The following ST18 variants were observed in gnomAD, a reference collection of about 807,000 sequenced individuals.
ST18 encodes suppression of tumorigenicity 18 protein.
ST18 carries 50 observed loss-of-function variants against 110.0 expected under a neutral mutation model. The ratio of observed to expected loss-of-function variants is 0.45; its 90% CI spans 0.36 to 0.58. The LOEUF is 0.58. Among genes scored for constraint, ST18 ranks in the 20% least tolerant of loss-of-function variants. The pLI is 0.00. For missense variants in ST18, 1,306 were observed against 1,280.1 expected (o/e 1.02, Z -0.31); for synonymous variants, 461 against 452.4 (o/e 1.02, Z -0.24).
intron 2 of ST18, among the ~76,000 whole-genome samples, chr8:52,334,689 T>A (rs1003642244): frequency 6.6e-6 from 1 of 151,068 alleles, no homozygotes; most frequent in African/African-American, 2.4e-5. Flanking sequence ...AAATGGTATG[T>A]CTTCCAAAGG....
At chr8:52,272,682 G>C (rs1280720564) in intron 2 of ST18, among the ~76,000 whole-genome samples, 2 of 152,148 alleles carry the variant, frequency 1.3e-5, no homozygotes, top group Non-Finnish European at 2.9e-5. Flanking sequence ...GGAAAATTAA[G>C]AATAGAACTA....
chr8:52,133,405 A>T, intron 19 of ST18, 104 bp from the exon 20 acceptor site: 1 of 1,348,954 alleles, frequency 7.4e-7, no homozygotes, highest in Non-Finnish European at 1.1e-6. Context: ...TAATGTTCCA[A>T]GTCTCTGTAG....
At chr8:52,195,030 A>T (rs1170374313) in intron 8 of ST18, among the ~76,000 whole-genome samples, 1 of 152,218 alleles carries the variant, frequency 6.6e-6, no homozygotes, top group East Asian at 1.9e-4. Flanking sequence ...TTTTAGTTAA[A>T]TCATTTGGGC....
intron 2 of ST18, among the ~76,000 whole-genome samples, chr8:52,295,685 A>T (rs1272866763): frequency 2.0e-5 from 3 of 150,086 alleles, no homozygotes; most frequent in Non-Finnish European, 2.9e-5. Context: ...TTTGAGGCGC[A>T]AATGAAAGAG....
At chr8:52,268,468 CA>C in intron 2 of ST18, among the ~76,000 whole-genome samples, 1 of 148,722 alleles carries the variant, frequency 6.7e-6, no homozygotes, top group Non-Finnish European at 1.5e-5. Context: ...ATCTATCTAT[CA>C]TCTATCTATC....
chr8:52,409,454 T>C lies in ST18; in HGVS notation c.-589-2A>G, dbSNP rs1323898891. ...CCCATTCAGAAATTTTATTATTTTC[T>C]AAAGAAGAAAAAAAATATGATGTGA... is the stretch of plus-strand genomic sequence containing the variant. On this transcript the variant is annotated splice_acceptor_variant, in intron 1 of 25. Coordinates refer to ENST00000689386, the MANE Select transcript of ST18 (RefSeq NM_001352837.2). LOFTEE classifies it low-confidence loss of function (5UTR_SPLICE). 6.6e-6 allele frequency: 1 copy of C among 152,138 alleles called. No individual in the cohort carries two copies. Among genetic ancestry groups the C allele is most frequent in the Non-Finnish European group, 1.5e-5 (1 of 68,018 alleles). 9.4% of individuals were successfully genotyped at this position (152,138 alleles called of 1,614,324 possible).
chr8:52,408,014 T>C (rs1845118700), intron 2 of ST18: 1 of 152,234 alleles, frequency 6.6e-6, no homozygotes, highest in African/African-American at 2.4e-5. Flanking sequence ...ATTTTTACTT[T>C]TATTTCGTGT....
intron 5 of ST18, among the ~76,000 whole-genome samples, chr8:52,218,846 G>A (rs929585665): frequency 2.0e-5 from 3 of 151,760 alleles, no homozygotes; most frequent in Non-Finnish European, 4.4e-5. Context: ...GTGAGATGTC[G>A]TTTCAGTCCT....
At chr8:52,159,208 G>C in intron 14 of ST18, 99 bp from the exon 15 acceptor site, 2 of 1,152,754 alleles carry the variant, frequency 1.7e-6, no homozygotes, top group South Asian at 3.1e-5. Flanking sequence ...ATTAAAATAT[G>C]TGAAGAATAA....
chr8:52,212,328 G>A (rs2082482089), intron 7 of ST18, among the ~76,000 whole-genome samples: 1 of 152,190 alleles, frequency 6.6e-6, no homozygotes, highest in Admixed American at 6.5e-5. Flanking sequence ...ACTGGGGCCT[G>A]ATAATCGTAG....
chr8:52,379,057 CTATCTACACA>C (rs1833489532), intron 2 of ST18, among the ~76,000 whole-genome samples: 1 of 150,698 alleles, frequency 6.6e-6, no homozygotes, highest in Non-Finnish European at 1.5e-5. Flanking sequence ...TCAAATAATG[CTATCTACACA>C]TTTTCTTTAA....
chr8:52,335,649 C>A (rs1564521072), intron 2 of ST18, among the ~76,000 whole-genome samples: 2 of 152,114 alleles, frequency 1.3e-5, no homozygotes, highest in African/African-American at 4.8e-5. Context: ...AGTTTTCTAC[C>A]TGTGGTGTCA....
At chr8:52,289,980 A>C (rs188881641) in intron 2 of ST18, among the ~76,000 whole-genome samples, 1 of 151,902 alleles carries the variant, frequency 6.6e-6, no homozygotes, top group African/African-American at 2.4e-5. Context: ...GACTGGCCTG[A>C]GATCATGGAG....
At chr8:52,329,300 G>A (rs911885524) in intron 2 of ST18, among the ~76,000 whole-genome samples, 3 of 149,746 alleles carry the variant, frequency 2.0e-5, no homozygotes, top group African/African-American at 7.4e-5. Context: ...AAAAAAAAAG[G>A]CTGGCACTGC....
At chr8:52,386,297 A>T (rs2140913509) in intron 2 of ST18, among the ~76,000 whole-genome samples, 1 of 152,356 alleles carries the variant, frequency 6.6e-6, no homozygotes, top group Admixed American at 6.5e-5. Flanking sequence ...TGTATAATGT[A>T]TCCAACTATG....
At chr8:52,187,664 GA>G (rs2072862115) in intron 8 of ST18, among the ~76,000 whole-genome samples, 1 of 152,156 alleles carries the variant, frequency 6.6e-6, no homozygotes, top group African/African-American at 2.4e-5. Context: ...CCTAGGAAAG[GA>G]AAGGCATTTT....
intron 2 of ST18, among the ~76,000 whole-genome samples, chr8:52,371,731 C>A (rs1830332688): frequency 6.6e-6 from 1 of 152,148 alleles, no homozygotes. Flanking sequence ...ACACGGTGAT[C>A]CCATAAGACT....
At chr8:52,245,752 G>A (rs1329741166) in intron 2 of ST18, among the ~76,000 whole-genome samples, 7 of 152,044 alleles carry the variant, frequency 4.6e-5, no homozygotes, top group Non-Finnish European at 8.8e-5. Context: ...GATATCTCTA[G>A]CACCTTCAAA....
intron 2 of ST18, among the ~76,000 whole-genome samples, chr8:52,303,130 A>G (rs1457733079): frequency 6.6e-6 from 1 of 152,252 alleles, no homozygotes; most frequent in Non-Finnish European, 1.5e-5. Context: ...TTGGTGGCTT[A>G]AAATGACACA....
Sources: allele counts gnomAD v4.1 joint callset (sites outside exome capture counted in the v4.1 genomes callset), GRCh38; gene constraint gnomAD v4.1.1; transcripts MANE v1.5; gene names NCBI Gene and HGNC (gene_info 2026-07-23, HGNC 2026-07-21).